The following CNTNAP2 variants were observed in gnomAD, a reference collection of about 807,000 sequenced individuals.
The protein encoded by CNTNAP2 is contactin-associated protein-like 2.
A neutral mutation model predicts 155.2 loss-of-function variants in CNTNAP2; 98 were observed. That is an observed-to-expected ratio of 0.63 (90% CI 0.54 to 0.75). The LOEUF is 0.75. Ranked by LOEUF, CNTNAP2 falls within the 30% of genes least tolerant of loss-of-function variation. CNTNAP2 has a pLI of 0.00. For synonymous variants in CNTNAP2, 651 were observed against 631.2 expected, an observed-to-expected ratio of 1.03 and a Z score of -0.47; for missense variants, 1,727 against 1,688.1, an observed-to-expected ratio of 1.02 and a Z score of -0.40.
In CNTNAP2 at chr7:147,176,584, T is replaced by C. The variant is rs533910773; in HGVS notation, c.1348+44075T>C. Among the ~76,000 whole-genome samples the C allele has an allele frequency of 6.1e-5, 9 of 147,174 alleles. No homozygotes were observed. The East Asian group carries it at 1.2e-3, about 19-fold the overall frequency. On this transcript the variant is annotated intron_variant, in intron 8 of 23. Transcript: ENST00000361727. ...TACTAGTTTTGTGAAATAAACAAGATAGATTATATCTTATATACATATGTA... is the reference window on the plus strand; with the variant it reads ...TACTAGTTTTGTGAAATAAACAAGACAGATTATATCTTATATACATATGTA...
chr7:146,143,815 TACAGTGGC>T (rs1424841250), intron 1 of CNTNAP2, among the ~76,000 whole-genome samples: 1 of 151,938 alleles, frequency 6.6e-6, no homozygotes, highest in Non-Finnish European at 1.5e-5. Context: ...CAGGCTGGAG[TACAGTGGC>T]ACAGTCTTGG....
At chr7:147,329,977 C>T (rs1054772261) in intron 9 of CNTNAP2, among the ~76,000 whole-genome samples, 1 of 152,148 alleles carries the variant, frequency 6.6e-6, no homozygotes, top group Non-Finnish European at 1.5e-5. Context: ...ACTCCTGGCA[C>T]AGAGCCCCTA....
intron 10 of CNTNAP2, among the ~76,000 whole-genome samples, chr7:147,432,707 C>T (rs1797485562): frequency 6.6e-6 from 1 of 152,106 alleles, no homozygotes; most frequent in Non-Finnish European, 1.5e-5. Flanking sequence ...ATCATATGCT[C>T]CTCCTGTCAT....
chr7:147,711,819 C>T (rs1284704024), intron 13 of CNTNAP2, among the ~76,000 whole-genome samples: 1 of 152,150 alleles, frequency 6.6e-6, no homozygotes, highest in Non-Finnish European at 1.5e-5. Context: ...TGACTTCTCT[C>T]TTCTGTTGTG....
intron 8 of CNTNAP2, among the ~76,000 whole-genome samples, chr7:147,226,146 A>G (rs1276342897): frequency 6.6e-6 from 1 of 152,142 alleles, no homozygotes; most frequent in African/African-American, 2.4e-5. Flanking sequence ...GCAAAGCCCA[A>G]ACGGCCTTAT....
chr7:147,321,010 T>C (rs530217991), intron 9 of CNTNAP2, among the ~76,000 whole-genome samples: 27 of 152,322 alleles, frequency 1.8e-4, no homozygotes, highest in African/African-American at 6.3e-4. Flanking sequence ...TTCTAATCTA[T>C]TTTCTTTCAG....
intron 21 of CNTNAP2, among the ~76,000 whole-genome samples, chr7:148,356,146 A>G (rs1385095127): frequency 9.2e-4 from 5 of 5,426 alleles, no homozygotes; most frequent in African/African-American, 1.6e-3. Flanking sequence ...GACACAGCTT[A>G]AAATAATTAA....
At chr7:148,355,166 CTTTTTTTTTTTT>C (rs1167992306) in intron 21 of CNTNAP2, among the ~76,000 whole-genome samples, 23 of 41,028 alleles carry the variant, frequency 5.6e-4, no homozygotes, top group African/African-American at 1.1e-3. Context: ...CCGCCAGCTG[CTTTTTTTTTTTT>C]TTTTTTTTTT....
At chr7:147,578,449 A>G (rs1800438593) in intron 12 of CNTNAP2, among the ~76,000 whole-genome samples, 1 of 152,116 alleles carries the variant, frequency 6.6e-6, no homozygotes, top group East Asian at 1.9e-4. Flanking sequence ...TTGGCTCTAC[A>G]GACATGACCT....
chr7:147,457,870 T>C (rs1240597090), intron 10 of CNTNAP2, among the ~76,000 whole-genome samples: 1 of 152,156 alleles, frequency 6.6e-6, no homozygotes, highest in Non-Finnish European at 1.5e-5. Context: ...TTTCTTGAAT[T>C]CTTGAAGTTG....
chr7:148,238,705 C>T (rs759909291), intron 20 of CNTNAP2, among the ~76,000 whole-genome samples: 1 of 152,158 alleles, frequency 6.6e-6, no homozygotes. Flanking sequence ...GTATCATACA[C>T]CCATAAAAAT....
At chr7:146,994,486 A>G (rs938879261) in intron 3 of CNTNAP2, among the ~76,000 whole-genome samples, 1 of 152,172 alleles carries the variant, frequency 6.6e-6, no homozygotes, top group African/African-American at 2.4e-5. Context: ...TTTAAATTTT[A>G]TAGTGACAAT....
intron 21 of CNTNAP2, among the ~76,000 whole-genome samples, chr7:148,300,375 C>A (rs1244095570): frequency 6.6e-6 from 1 of 152,106 alleles, no homozygotes; most frequent in Non-Finnish European, 1.5e-5. Flanking sequence ...TACTTTCATA[C>A]TCGTTATATG....
intron 14 of CNTNAP2, among the ~76,000 whole-genome samples, chr7:147,940,696 G>A (rs989084212): frequency 3.3e-5 from 5 of 151,928 alleles, no homozygotes; most frequent in Admixed American, 1.3e-4. Flanking sequence ...CATCACACCT[G>A]GCTAATTTTT....
At chr7:147,029,549 GTT>G (rs11370307) in intron 3 of CNTNAP2, among the ~76,000 whole-genome samples, 25 of 147,674 alleles carry the variant, frequency 1.7e-4, no homozygotes, top group African/African-American at 4.2e-4. Context: ...TGTAAAAAGG[GTT>G]TTTTTTTTTT....
At chr7:146,265,403 A>G (rs1419382964) in intron 1 of CNTNAP2, among the ~76,000 whole-genome samples, 2 of 151,932 alleles carry the variant, frequency 1.3e-5, no homozygotes, top group Non-Finnish European at 2.9e-5. Context: ...GCATGTTTCT[A>G]AACTTTTAAA....
intron 4 of CNTNAP2, among the ~76,000 whole-genome samples, chr7:147,098,981 G>T (rs528681732): frequency 6.6e-6 from 1 of 152,034 alleles, no homozygotes; most frequent in African/African-American, 2.4e-5. Context: ...CATCCCACAG[G>T]GTGTAGACCA....
In CNTNAP2 at chr7:148,217,417, C is replaced by A. The variant is rs760640326; in HGVS notation, c.3140C>A (p.Ala1047Glu). 2.5e-6 allele frequency: 4 copies of A among 1,614,086 alleles called. No homozygotes were observed. Among genetic ancestry groups the A allele is most frequent in the Admixed American group, 3.3e-5 (2 of 60,014 alleles). Residue 1047 changes from alanine (A) to glutamate (E), a missense_variant, in exon 19 of 24, where the codon GCA (alanine) becomes GAA (glutamate). Transcript: ENST00000361727. ...CAGCAGAACTCCCACCCGGACCTGGCACAGGAGGAGATCCGCTTCAGCTTC... is the reference window on the plus strand; with the variant it reads ...CAGCAGAACTCCCACCCGGACCTGGAACAGGAGGAGATCCGCTTCAGCTTC... Reference protein sequence around the residue: ...PDQQNSHPDLAQEEIRFSFST... With the variant: ...PDQQNSHPDLEQEEIRFSFST...
intron 13 of CNTNAP2, among the ~76,000 whole-genome samples, chr7:147,718,708 G>A (rs1796518982): frequency 6.6e-6 from 1 of 152,124 alleles, no homozygotes; most frequent in African/African-American, 2.4e-5. Flanking sequence ...GTTGCTCACT[G>A]TTGGTTCCTA....
Sources: allele counts gnomAD v4.1 joint callset (sites outside exome capture counted in the v4.1 genomes callset), GRCh38; gene constraint gnomAD v4.1.1; transcripts MANE v1.5; gene names NCBI Gene and HGNC (gene_info 2026-07-23, HGNC 2026-07-21).